The following AGBL1 variants were observed in gnomAD, a reference collection of about 807,000 sequenced individuals.
AGBL1 encodes the protein AGBL carboxypeptidase 1.
In AGBL1, 130 loss-of-function variants were observed where a neutral mutation model predicts 118.9. The observed-to-expected ratio is 1.09, with a 90% CI of 0.95 to 1.26. The LOEUF is 1.26. AGBL1 is among the 50% of genes most tolerant of loss of function. The pLI is 0.00. For missense variants in AGBL1, 1,584 were observed against 1,298.1 expected (o/e 1.22, Z -3.38); for synonymous variants, 555 against 478.9 (o/e 1.16, Z -2.08).
chr15:86,731,865 A>G (rs1238740965), intron 22 of AGBL1, among the ~76,000 whole-genome samples: 1 of 152,232 alleles, frequency 6.6e-6, no homozygotes, highest in Non-Finnish European at 1.5e-5. Flanking sequence ...AATGTGCCCC[A>G]GGGAACTGGC....
chr15:86,723,658 TAAAA>T (rs536471527), intron 22 of AGBL1, among the ~76,000 whole-genome samples: 6 of 148,776 alleles, frequency 4.0e-5, no homozygotes, highest in Non-Finnish European at 7.5e-5. Context: ...AGTATAATAA[TAAAA>T]AAAAGAAAAC....
intron 22 of AGBL1, among the ~76,000 whole-genome samples, chr15:86,807,605 C>T (rs1279690241): frequency 6.6e-6 from 1 of 151,826 alleles, no homozygotes; most frequent in East Asian, 1.9e-4. Flanking sequence ...CCTTGGAAGT[C>T]CTGGGTGTTG....
intron 22 of AGBL1, among the ~76,000 whole-genome samples, chr15:86,859,455 T>G (rs1161431547): frequency 6.6e-6 from 1 of 152,138 alleles, no homozygotes; most frequent in Non-Finnish European, 1.5e-5. Context: ...TAGTGTGAAG[T>G]TGAGAGTGGC....
chr15:86,901,254 G>C (rs900644739), intron 22 of AGBL1, among the ~76,000 whole-genome samples: 2 of 151,828 alleles, frequency 1.3e-5, no homozygotes, highest in Non-Finnish European at 2.9e-5. Flanking sequence ...AATTGCCTTT[G>C]GTGTCAAATT....
rs1195139754 is a variant in AGBL1, at chr15:86,451,084, A to T, written c.2555+53538A>T. The stretch of plus-strand genomic sequence containing the variant: ...ACAGACATACTCAAAAGAATTAGTT[A>T]TTGACTTTCTAAATATACAGACTCA... On this transcript the variant is annotated intron_variant, in intron 18 of 22. Coordinates refer to ENST00000614907, the MANE Select transcript of AGBL1 (RefSeq NM_001386094.1). Among the ~76,000 whole-genome samples, 3 of 152,192 alleles carry T rather than the reference A, an allele frequency of 2.0e-5. No homozygotes were observed. The East Asian group carries it at 5.8e-4, about 29-fold the overall frequency.
At chr15:86,601,866 A>G (rs1328610143) in intron 21 of AGBL1, among the ~76,000 whole-genome samples, 1 of 152,206 alleles carries the variant, frequency 6.6e-6, no homozygotes, top group Non-Finnish European at 1.5e-5. Context: ...CAGGATAAAT[A>G]TGTGCCTAAA....
chr15:86,634,745 G>A (rs558614510), intron 21 of AGBL1, among the ~76,000 whole-genome samples: 1 of 152,182 alleles, frequency 6.6e-6, no homozygotes, highest in African/African-American at 2.4e-5. Flanking sequence ...AAAGAAAAAT[G>A]TGCCAGGAAA....
At chr15:86,111,949 C>A (rs79944030) in intron 1 of AGBL1, among the ~76,000 whole-genome samples, 2 of 152,124 alleles carry the variant, frequency 1.3e-5, no homozygotes, top group African/African-American at 4.8e-5. Context: ...CGAGCCCTGT[C>A]GTGAACTGCG....
chr15:86,248,640 G>T (rs906997874), intron 7 of AGBL1, among the ~76,000 whole-genome samples: 2 of 152,170 alleles, frequency 1.3e-5, no homozygotes, highest in East Asian at 1.9e-4. Flanking sequence ...ACTGAACTGC[G>T]TTGTGAGGAT....
chr15:86,965,586 G>C (rs1288670917), intron 23 of AGBL1, among the ~76,000 whole-genome samples: 1 of 151,844 alleles, frequency 6.6e-6, no homozygotes. Flanking sequence ...TAGATTGCCT[G>C]TTCACTCTGA....
intron 22 of AGBL1, among the ~76,000 whole-genome samples, chr15:86,857,142 C>A (rs1439239276): frequency 1.3e-5 from 2 of 152,142 alleles, no homozygotes; most frequent in East Asian, 3.9e-4. Flanking sequence ...CCGGTTTATC[C>A]ATCCCCCAGC....
chr15:86,469,991 G>C (rs1395762815), intron 18 of AGBL1, among the ~76,000 whole-genome samples: 1 of 152,016 alleles, frequency 6.6e-6, no homozygotes, highest in Non-Finnish European at 1.5e-5. Flanking sequence ...ACAGATGTAT[G>C]GTATATAAAT....
At chr15:86,399,489 T>G (rs1262946833) in intron 18 of AGBL1, among the ~76,000 whole-genome samples, 2 of 152,196 alleles carry the variant, frequency 1.3e-5, no homozygotes, top group Non-Finnish European at 2.9e-5. Flanking sequence ...TAGAGTCATA[T>G]GATTCGTTGG....
In AGBL1 at chr15:86,727,698, A is replaced by G. The variant is rs182357546; in HGVS notation, c.3158+53262A>G. 1.1e-3 allele frequency among the ~76,000 whole-genome samples: 164 copies of G among 152,358 alleles called. 1 individual carries two copies. Among genetic ancestry groups the G allele is most frequent in the Middle Eastern group, 6.8e-3 (2 of 294 alleles). On this transcript the variant is annotated intron_variant, in intron 22 of 22. Coordinates refer to ENST00000614907, the MANE Select transcript of AGBL1 (RefSeq NM_001386094.1). Reference sequence around the variant, plus strand: ...TAATAATGGGATATTTTCCATAGGCAGAAGCTTAATTCTGATTTCTCAATT... The same window carrying G: ...TAATAATGGGATATTTTCCATAGGCGGAAGCTTAATTCTGATTTCTCAATT...
chr15:86,748,167 C>G (rs2141248145), intron 22 of AGBL1, among the ~76,000 whole-genome samples: 1 of 152,208 alleles, frequency 6.6e-6, no homozygotes, highest in East Asian at 1.9e-4. Context: ...TAATGATCAC[C>G]ATTCTAACTG....
intron 22 of AGBL1, among the ~76,000 whole-genome samples, chr15:86,883,171 T>G (rs1596588348): frequency 6.6e-6 from 1 of 152,380 alleles, no homozygotes; most frequent in South Asian, 2.1e-4. Context: ...ATTAAACAGC[T>G]AATTTTGAAC....
chr15:86,397,036 G>C (rs2081375576), intron 17 of AGBL1, among the ~76,000 whole-genome samples: 1 of 152,136 alleles, frequency 6.6e-6, no homozygotes, highest in African/African-American at 2.4e-5. Context: ...AGACCACAGA[G>C]GAAGATAGAA....
chr15:86,115,040 C>T (rs757613096), intron 1 of AGBL1, among the ~76,000 whole-genome samples: 1 of 152,186 alleles, frequency 6.6e-6, no homozygotes, highest in Non-Finnish European at 1.5e-5. Flanking sequence ...TATGGATAAA[C>T]ACTGCCTGGC....
chr15:86,987,916 A>G (rs2081300127), intron 23 of AGBL1: 2 of 1,538,944 alleles, frequency 1.3e-6, no homozygotes, highest in Non-Finnish European at 1.7e-6. Flanking sequence ...TTTAAAATCC[A>G]TCTATAATAA....
Sources: gnomAD v4.1 joint callset for allele counts (sites outside exome capture counted in the v4.1 genomes callset) on GRCh38, gnomAD v4.1.1 for gene constraint, MANE v1.5 for transcripts, NCBI Gene and HGNC (gene_info 2026-07-23, HGNC 2026-07-21) for gene names.